Variants in ATXN7L1 observed in about 807,000 individuals in gnomAD.
ATXN7L1 encodes the protein ataxin 7 like 1.
ATXN7L1 carries 15 observed loss-of-function variants against 70.8 expected under a neutral mutation model. The ratio of observed to expected loss-of-function variants is 0.21; its 90% CI spans 0.14 to 0.33. The LOEUF (loss-of-function observed/expected upper bound fraction) is 0.33, where lower values mean the gene tolerates loss of function less well. ATXN7L1 is among the 10% of genes least tolerant of loss of function. The pLI is 1.00. For missense variants in ATXN7L1, 975 were observed against 1,097.1 expected (o/e 0.89, Z 1.57); for synonymous variants, 440 against 445.1 (o/e 0.99, Z 0.14).
chr7:105,832,132 G>A (rs1269072112), intron 2 of ATXN7L1, among the ~76,000 whole-genome samples: 1 of 152,150 alleles, frequency 6.6e-6, no homozygotes, highest in Non-Finnish European at 1.5e-5. Context: ...TTTTCATGGT[G>A]GCAAGTTAGT....
chr7:105,628,302 A>G (rs980730427), intron 7 of ATXN7L1, among the ~76,000 whole-genome samples: 73 of 152,356 alleles, frequency 4.8e-4, no homozygotes, highest in Non-Finnish European at 1.6e-4. Flanking sequence ...TAGGTGTTCA[A>G]TATACTATTC....
intron 3 of ATXN7L1, among the ~76,000 whole-genome samples, chr7:105,765,451 T>C (rs117055540): frequency 1.1e-3 from 161 of 152,318 alleles, no homozygotes; most frequent in Non-Finnish European, 1.9e-3. Context: ...ACAAAGCAGA[T>C]GTAGCAAACA....
intron 3 of ATXN7L1, among the ~76,000 whole-genome samples, chr7:105,724,646 T>C (rs955958752): frequency 4.0e-5 from 6 of 149,436 alleles, no homozygotes; most frequent in African/African-American, 1.2e-4. Context: ...CCCAGCACTA[T>C]GGGAGGCCGA....
chr7:105,609,107 C>T (rs7787604), intron 11 of ATXN7L1, among the ~76,000 whole-genome samples: 8,915 of 152,256 alleles, frequency 0.059, 293 homozygotes, highest in African/African-American at 0.065. Context: ...TGAATGGTGG[C>T]TGCAGCTCAT....
At chr7:105,629,151 C>T (rs1355694621) in intron 7 of ATXN7L1, among the ~76,000 whole-genome samples, 1 of 151,922 alleles carries the variant, frequency 6.6e-6, no homozygotes, top group African/African-American at 2.4e-5. Context: ...TTAAGATCTA[C>T]TTATTTAGCA....
intron 2 of ATXN7L1, among the ~76,000 whole-genome samples, chr7:105,871,093 T>G (rs1019269415): frequency 1.3e-5 from 2 of 151,592 alleles, no homozygotes; most frequent in Non-Finnish European, 2.9e-5. Flanking sequence ...GGTTTTTTTT[T>G]TTTTTTTTTT....
At chr7:105,759,146 TTTA>T (rs1172294945) in intron 3 of ATXN7L1, among the ~76,000 whole-genome samples, 1 of 136,934 alleles carries the variant, frequency 7.3e-6, no homozygotes, top group East Asian at 2.2e-4. Context: ...TGGCCTTTTT[TTTA>T]GTTTATTCTT....
intron 3 of ATXN7L1, among the ~76,000 whole-genome samples, chr7:105,735,531 T>C (rs1041903710): frequency 2.1e-4 from 32 of 152,352 alleles, no homozygotes; most frequent in African/African-American, 7.5e-4. Flanking sequence ...TTCTCCCTTG[T>C]ACGCTTTGAT....
chr7:105,819,483 C>G (rs2116560512), intron 2 of ATXN7L1: 1 of 802,186 alleles, frequency 1.2e-6, no homozygotes, highest in Non-Finnish European at 2.2e-6. Context: ...TCCCAGGGGG[C>G]TGCTGAAGAT....
At chr7:105,702,671 A>G (rs1792609154) in intron 3 of ATXN7L1, among the ~76,000 whole-genome samples, 1 of 152,198 alleles carries the variant, frequency 6.6e-6, no homozygotes, top group Admixed American at 6.5e-5. Flanking sequence ...AAAAATAAAA[A>G]TAAATAAGTA....
intron 3 of ATXN7L1, among the ~76,000 whole-genome samples, chr7:105,740,784 T>TTTTTTTTTTTTTTTTTTTTTTTTTTTGAG (rs556048408): frequency 1.3e-5 from 1 of 77,926 alleles, no homozygotes; most frequent in Non-Finnish European, 2.3e-5. Context: ...TTTTTTTTTT[T>TTTTTTTTTTTTTTTTTTTTTTTTTTTGAG]AATGGAGTCT....
chr7:105,657,471 G>A (rs1397894803), intron 4 of ATXN7L1, among the ~76,000 whole-genome samples: 2 of 151,844 alleles, frequency 1.3e-5, no homozygotes, highest in East Asian at 1.9e-4. Flanking sequence ...CCAGCACTTC[G>A]GGAGGCTGAG....
At chr7:105,838,483 T>G (rs977089512) in intron 2 of ATXN7L1, among the ~76,000 whole-genome samples, 5 of 152,202 alleles carry the variant, frequency 3.3e-5, no homozygotes, top group African/African-American at 1.2e-4. Context: ...AAACAGCTGC[T>G]GCATAGGCCA....
intron 3 of ATXN7L1, among the ~76,000 whole-genome samples, chr7:105,665,925 T>C (rs1464516780): frequency 6.6e-6 from 1 of 152,164 alleles, no homozygotes; most frequent in Non-Finnish European, 1.5e-5. Context: ...GAATCTGCAA[T>C]GTGGGGCATG....
intron 3 of ATXN7L1, among the ~76,000 whole-genome samples, chr7:105,722,618 C>A (rs1563037284): frequency 3.9e-5 from 5 of 128,668 alleles, no homozygotes; most frequent in African/African-American, 6.0e-5. Flanking sequence ...GTGGCTTACG[C>A]CTGTAATCCC....
chr7:105,831,988 T>C (rs1022574378), intron 2 of ATXN7L1, among the ~76,000 whole-genome samples: 2 of 152,140 alleles, frequency 1.3e-5, no homozygotes, highest in Admixed American at 6.5e-5. Flanking sequence ...CAGCTGTGAG[T>C]AATACTCACA....
chr7:105,764,755 T>C (rs1801018445), intron 3 of ATXN7L1, among the ~76,000 whole-genome samples: 1 of 152,236 alleles, frequency 6.6e-6, no homozygotes, highest in Non-Finnish European at 1.5e-5. Context: ...AATTATTCTT[T>C]ATATGTAACT....
intron 2 of ATXN7L1, among the ~76,000 whole-genome samples, chr7:105,868,928 C>A (rs1174854652): frequency 6.6e-6 from 1 of 152,104 alleles, no homozygotes; most frequent in East Asian, 1.9e-4. Flanking sequence ...TGGAAGTAGA[C>A]AGAGCCACAT....
At chr7:105,613,162 A>G (rs1400296492) in intron 10 of ATXN7L1, among the ~76,000 whole-genome samples, 2 of 152,228 alleles carry the variant, frequency 1.3e-5, no homozygotes, top group African/African-American at 4.8e-5. Flanking sequence ...AACAGAGCTC[A>G]AGGGAAAGAA....
Sources: gnomAD v4.1 joint callset for allele counts (sites outside exome capture counted in the v4.1 genomes callset) on GRCh38, gnomAD v4.1.1 for gene constraint, MANE v1.5 for transcripts, NCBI Gene and HGNC (gene_info 2026-07-23, HGNC 2026-07-21) for gene names.